TEAD4: variants seen among roughly 807,000 people sequenced by gnomAD.
The protein encoded by TEAD4 is TEA domain transcription factor 4, also known as transcriptional enhancer factor TEF-3.
A neutral mutation model predicts 52.4 loss-of-function variants in TEAD4; 36 were observed. The ratio of observed to expected loss-of-function variants is 0.69; its 90% confidence interval spans 0.53 to 0.91. TEAD4 has a LOEUF of 0.91. Ranked by LOEUF, TEAD4 falls within the 40% of genes least tolerant of loss-of-function variation. TEAD4 has a pLI of 0.00. For missense variants in TEAD4, 508 were observed against 583.9 expected (o/e 0.87, Z 1.34); for synonymous variants, 220 against 231.0 (o/e 0.95, Z 0.43).
At chr12:3,006,107 A>T (rs1023373558) in intron 3 of TEAD4, among the ~76,000 whole-genome samples, 1 of 152,236 alleles carries the variant, frequency 6.6e-6, no homozygotes, top group Non-Finnish European at 1.5e-5. Flanking sequence ...ATCATTGCAG[A>T]TTATATACGT....
chr12:3,032,329 C>T (rs10848765), intron 10 of TEAD4, among the ~76,000 whole-genome samples: 91,752 of 151,958 alleles, frequency 0.6, 33,281 homozygotes, highest in East Asian at 0.94. Context: ...GTGTGCTGTA[C>T]GGACCCAGCG....
intron 10 of TEAD4, among the ~76,000 whole-genome samples, chr12:3,023,641 AT>A (rs1232403498): frequency 6.6e-6 from 1 of 151,232 alleles, no homozygotes; most frequent in African/African-American, 2.4e-5. Flanking sequence ...AAAAAAAAAA[AT>A]TAGACAGGCG....
chr12:3,015,204 T>TC (rs1299781097), intron 5 of TEAD4, among the ~76,000 whole-genome samples: 1 of 152,102 alleles, frequency 6.6e-6, no homozygotes, highest in African/African-American at 2.4e-5. Flanking sequence ...AGTTCCCTAC[T>TC]CCCCACCGCC....
At chr12:2,999,883 T>C (rs2098250340) in intron 3 of TEAD4, among the ~76,000 whole-genome samples, 1 of 152,214 alleles carries the variant, frequency 6.6e-6, no homozygotes, top group African/African-American at 2.4e-5. Flanking sequence ...TGGCTGGCTC[T>C]GGGGTTCCCT....
At chr12:3,010,885 C>A in intron 3 of TEAD4, 119 bp from the exon 4 acceptor site, 1 of 1,094,502 alleles carries the variant, frequency 9.1e-7, no homozygotes, top group Non-Finnish European at 1.4e-6. Context: ...CCCCACAAAT[C>A]CGCTTAGGAT....
At chr12:3,038,347 C>T (rs551153814) in intron 11 of TEAD4, among the ~76,000 whole-genome samples, 1 of 152,352 alleles carries the variant, frequency 6.6e-6, no homozygotes, top group Admixed American at 6.5e-5. Flanking sequence ...TCCTTGCAGG[C>T]ACCCCCGGTC....
chr12:3,024,145 G>C (rs1356310152), intron 10 of TEAD4, among the ~76,000 whole-genome samples: 1 of 151,686 alleles, frequency 6.6e-6, no homozygotes, highest in African/African-American at 2.4e-5. Flanking sequence ...CGTGATCTTG[G>C]CTCACTGCAA....
chr12:2,995,069 C>A, intron 3 of TEAD4, 77 bp downstream of exon 3: 1 of 1,529,570 alleles, frequency 6.5e-7, no homozygotes, highest in Non-Finnish European at 8.8e-7. Context: ...GGGTTCCTGC[C>A]GGGCCACAGA....
At chr12:3,016,336 A>C (rs112743476) in intron 5 of TEAD4, among the ~76,000 whole-genome samples, 2 of 152,164 alleles carry the variant, frequency 1.3e-5, no homozygotes, top group African/African-American at 4.8e-5. Context: ...CCAGGTATCA[A>C]ATTTCTAATC....
chr12:2,985,321 C>T (rs1429398020), intron 2 of TEAD4, among the ~76,000 whole-genome samples: 2 of 151,398 alleles, frequency 1.3e-5, no homozygotes, highest in Non-Finnish European at 2.9e-5. Context: ...GGAGGTGGAG[C>T]TTGCAGTGAG....
At chr12:2,975,913 A>G (rs956351194) in intron 2 of TEAD4, among the ~76,000 whole-genome samples, 6 of 152,084 alleles carry the variant, frequency 3.9e-5, no homozygotes, top group Admixed American at 1.3e-4. Flanking sequence ...CTAGAATGTC[A>G]TATGGTTGGA....
chr12:2,974,518 C>T (rs557874843), intron 2 of TEAD4, among the ~76,000 whole-genome samples: 15 of 152,258 alleles, frequency 9.9e-5, no homozygotes, highest in African/African-American at 3.6e-4. Context: ...TTCATTCTTC[C>T]CCCTGGGGGT....
At chr12:2,985,383 TC>T (rs2098237354) in intron 2 of TEAD4, among the ~76,000 whole-genome samples, 1 of 149,876 alleles carries the variant, frequency 6.7e-6, no homozygotes, top group South Asian at 2.1e-4. Context: ...AGACTCTGTC[TC>T]AAAAAAAACA....
intron 11 of TEAD4, among the ~76,000 whole-genome samples, chr12:3,038,574 C>G (rs1452532330): frequency 1.3e-5 from 2 of 152,190 alleles, no homozygotes; most frequent in Admixed American, 6.5e-5. Context: ...CCCTGATTTT[C>G]TGCTTATGGG....
At chr12:2,990,174 ATTT>A (rs1857380878) in intron 2 of TEAD4, among the ~76,000 whole-genome samples, 1 of 152,142 alleles carries the variant, frequency 6.6e-6, no homozygotes, top group Non-Finnish European at 1.5e-5. Context: ...TAAAATGTTT[ATTT>A]TTAAATGTTT....
intron 5 of TEAD4, among the ~76,000 whole-genome samples, chr12:3,012,689 C>G (rs2098261333): frequency 6.6e-6 from 1 of 152,190 alleles, no homozygotes; most frequent in Admixed American, 6.5e-5. Context: ...GTGTTCCTTC[C>G]CTTCCCTGGG....
intron 8 of TEAD4, among the ~76,000 whole-genome samples, chr12:3,019,628 C>T (rs2098267240): frequency 6.6e-6 from 1 of 152,148 alleles, no homozygotes; most frequent in Non-Finnish European, 1.5e-5. Context: ...ACAGGAGCCC[C>T]CACCCCGCCC....
chr12:3,017,612 G>A (rs1022761637), intron 6 of TEAD4, 86 bp downstream of exon 6: 1 of 1,483,190 alleles, frequency 6.7e-7, no homozygotes, highest in Admixed American at 2.5e-5. Flanking sequence ...GCATTGGCCA[G>A]CCCAGATTTC....
chr12:2,988,049 C>T (rs1240044055), intron 2 of TEAD4, among the ~76,000 whole-genome samples: 2 of 148,418 alleles, frequency 1.3e-5, no homozygotes, highest in African/African-American at 5.0e-5. Flanking sequence ...GCCTGGGTGA[C>T]AGAACAAGAC....
Sources: gnomAD v4.1 joint callset for allele counts (sites outside exome capture counted in the v4.1 genomes callset) on GRCh38, gnomAD v4.1.1 for gene constraint, MANE v1.5 for transcripts, NCBI Gene and HGNC (gene_info 2026-07-23, HGNC 2026-07-21) for gene names.